The following MS4A4E variants were observed in gnomAD, a reference collection of about 807,000 sequenced individuals.
MS4A4E encodes membrane spanning 4-domains A4E.
A neutral mutation model predicts 13.3 loss-of-function variants in MS4A4E; 23 were observed. That is an observed-to-expected ratio of 1.73 (90% CI 1.25 to 2.45). The LOEUF (loss-of-function observed/expected upper bound fraction) is 2.45. Ranked by LOEUF, MS4A4E falls within the 30% of genes most tolerant of loss-of-function variation. The probability of loss-of-function intolerance (pLI) is 0.00; values close to 1 mark genes in which losing one functional copy is unlikely to be tolerated. For missense variants in MS4A4E, 144 were observed against 131.2 expected, an observed-to-expected ratio of 1.10 and a Z score of -0.48; for synonymous variants, 36 against 45.6, an observed-to-expected ratio of 0.79 and a Z score of 0.85.
At chr11:60,223,698 T>C (rs1434071427) in intron 3 of MS4A4E, among the ~76,000 whole-genome samples, 3 of 152,152 alleles carry the variant, frequency 2.0e-5, no homozygotes, top group Non-Finnish European at 2.9e-5. Context: ...CAGAAGAACA[T>C]AGAAACACTA....
intron 1 of MS4A4E, among the ~76,000 whole-genome samples, chr11:60,234,956 G>A (rs565542836): frequency 6.6e-6 from 1 of 151,726 alleles, no homozygotes; most frequent in African/African-American, 2.4e-5. Context: ...TGAAAGTGAA[G>A]GGATGAAATA....
At chr11:60,210,761 A>C (rs2084110415) in intron 5 of MS4A4E, among the ~76,000 whole-genome samples, 1 of 152,190 alleles carries the variant, frequency 6.6e-6, no homozygotes, top group Non-Finnish European at 1.5e-5. Context: ...CTGAATGTAA[A>C]GGTGCCCAGG....
intron 6 of MS4A4E, among the ~76,000 whole-genome samples, chr11:60,206,241 A>T (rs947997185): frequency 7.9e-5 from 12 of 151,756 alleles, no homozygotes; most frequent in Admixed American, 2.0e-4. Flanking sequence ...TTGCATGGAG[A>T]CCTCGTTTTA....
intron 1 of MS4A4E, among the ~76,000 whole-genome samples, chr11:60,231,190 A>G (rs1009777370): frequency 1.3e-5 from 2 of 152,136 alleles, no homozygotes; most frequent in Admixed American, 6.5e-5. Flanking sequence ...AAAATAAAAG[A>G]TTAATCATTT....
At chr11:60,220,595 A>G (rs142889049) in intron 3 of MS4A4E, among the ~76,000 whole-genome samples, 1 of 152,352 alleles carries the variant, frequency 6.6e-6, no homozygotes, top group East Asian at 1.9e-4. Context: ...GGATCCAGTG[A>G]GCAAGAAGTA....
chr11:60,205,403 C>A (rs111777348), intron 7 of MS4A4E, among the ~76,000 whole-genome samples: 3 of 152,088 alleles, frequency 2.0e-5, no homozygotes, highest in Non-Finnish European at 4.4e-5. Context: ...AGATACTTTA[C>A]AAATATATGC....
intron 3 of MS4A4E, among the ~76,000 whole-genome samples, chr11:60,227,476 G>A (rs1345265739): frequency 2.0e-5 from 3 of 152,064 alleles, no homozygotes; most frequent in African/African-American, 4.8e-5. Context: ...GTGTGAACCC[G>A]GGAGGCAGAG....
At chr11:60,214,196 G>A (rs928392540) in intron 4 of MS4A4E, among the ~76,000 whole-genome samples, 8 of 152,052 alleles carry the variant, frequency 5.3e-5, no homozygotes, top group South Asian at 4.2e-4. Context: ...ATGAGCCACC[G>A]CGCCCGGCCA....
chr11:60,237,263 C>T (rs1336832271), intron 1 of MS4A4E, among the ~76,000 whole-genome samples: 6 of 152,144 alleles, frequency 3.9e-5, no homozygotes, highest in African/African-American at 1.4e-4. Flanking sequence ...CATGTTCCTG[C>T]AATGAACATG....
At chr11:60,206,500 CGTATATATATAT>C (rs1432024093) in intron 6 of MS4A4E, among the ~76,000 whole-genome samples, 1 of 103,812 alleles carries the variant, frequency 9.6e-6, no homozygotes, top group Non-Finnish European at 1.9e-5. Context: ...TATATATATA[CGTATATATATAT>C]ACACACACAC....
At chr11:60,209,985 A>G (rs534680361) in intron 5 of MS4A4E, among the ~76,000 whole-genome samples, 14 of 152,354 alleles carry the variant, frequency 9.2e-5, no homozygotes, top group African/African-American at 3.4e-4. Flanking sequence ...ACAGCAAACA[A>G]AACAGACAAT....
chr11:60,215,864 CAGA>C (rs1377163250), intron 3 of MS4A4E, among the ~76,000 whole-genome samples: 2 of 151,956 alleles, frequency 1.3e-5, no homozygotes, highest in East Asian at 3.9e-4. Flanking sequence ...ATGTTATATA[CAGA>C]AATTAGATAA....
At chr11:60,237,146 T>C (rs768572982) in intron 1 of MS4A4E, among the ~76,000 whole-genome samples, 4 of 152,240 alleles carry the variant, frequency 2.6e-5, no homozygotes, top group African/African-American at 7.2e-5. Flanking sequence ...CCCCTTTATG[T>C]GCCCATGTGT....
At chr11:60,230,101 G>T in intron 1 of MS4A4E, 30 bp from the exon 2 acceptor site, 1 of 1,542,474 alleles carries the variant, frequency 6.5e-7, no homozygotes, top group Non-Finnish European at 8.7e-7. Context: ...TTAGGATGAG[G>T]TCCTGGAAAT....
At chr11:60,209,041 A>G (rs1372988873) in intron 5 of MS4A4E, 1 of 153,856 alleles carries the variant, frequency 6.5e-6, no homozygotes, top group African/African-American at 2.4e-5. Flanking sequence ...AAATACTATG[A>G]TTCCATATCT....
chr11:60,224,591 CTCTGGTATAG>C (rs1189002914), intron 3 of MS4A4E, among the ~76,000 whole-genome samples: 5 of 152,152 alleles, frequency 3.3e-5, no homozygotes, highest in African/African-American at 1.2e-4. Flanking sequence ...ACCATCTCCC[CTCTGGTATAG>C]TCTGCTAGCA....
chr11:60,229,124 G>C (rs1407938743), intron 2 of MS4A4E, among the ~76,000 whole-genome samples: 3 of 152,220 alleles, frequency 2.0e-5, no homozygotes, highest in African/African-American at 7.2e-5. Flanking sequence ...AGCTATGCAT[G>C]TGTCGGGGCA....
chr11:60,211,963 G>A (rs539825058), intron 5 of MS4A4E, among the ~76,000 whole-genome samples: 55 of 152,214 alleles, frequency 3.6e-4, no homozygotes, highest in Admixed American at 3.3e-3. Context: ...TAATTATAAA[G>A]ATTAAATTGT....
At chr11:60,230,113 A>G in intron 1 of MS4A4E, 42 bp from the exon 2 acceptor site, 1 of 1,528,912 alleles carries the variant, frequency 6.5e-7, no homozygotes, top group Non-Finnish European at 8.7e-7. Context: ...CCTGGAAATG[A>G]CAAAAGAAAG....
Sources: gnomAD v4.1 joint callset for allele counts (sites outside exome capture counted in the v4.1 genomes callset) on GRCh38, gnomAD v4.1.1 for gene constraint, MANE v1.5 for transcripts, NCBI Gene and HGNC (gene_info 2026-07-23, HGNC 2026-07-21) for gene names.